Variants in OR52N4 observed in about 807,000 individuals in gnomAD.
The protein encoded by OR52N4 is olfactory receptor 52N4.
Under a neutral mutation model 15.0 loss-of-function variants are expected in OR52N4, and 15 were observed. The observed-to-expected ratio is 1.00, with a 90% CI of 0.67 to 1.54. The LOEUF is 1.54. OR52N4 is among the 40% of genes most tolerant of loss of function. The pLI, the probability that OR52N4 is intolerant of heterozygous loss-of-function variation, is 0.00. For missense variants in OR52N4, 421 were observed against 394.0 expected (o/e 1.07, Z -0.58); for synonymous variants, 143 against 143.7 (o/e 1.00, Z 0.03).
Position 5,755,300 on chromosome 11 carries a change from C to G in OR52N4, c.560C>G (p.Ala187Gly), listed in dbSNP as rs762432200. The stretch of plus-strand genomic sequence containing the variant: ...ACCTACTGTGACCACATGTCTGTAG[C>G]CAAATTGTCCTGTGGTAATGTCAAG... ...PHTYCDHMSV[A>G]KLSCGNVKVN... is the part of the protein sequence containing the mutation. The change falls in exon 2 of 2, where the codon GCC becomes GGC. Residue 187 changes from alanine (A) to glycine (G), a missense_variant. Transcript: ENST00000641350. The G allele has an allele frequency of 6.2e-7, 1 of 1,614,032 alleles. No homozygotes were observed. The highest frequency in any genetic ancestry group is 8.5e-7 in the Non-Finnish European group (1 of 1,179,960).
intron 1 of OR52N4, 111 bp downstream of exon 1, chr11:5,754,416 A>T (rs995277314): frequency 8.2e-6 from 2 of 242,706 alleles, no homozygotes. Flanking sequence ...ATTATACTTG[A>T]TTATAAATCT....
chr11:5,745,537 A>G, the OR52N4 span, among the ~76,000 whole-genome samples: 7 of 152,164 alleles, frequency 4.6e-5, no homozygotes, highest in Non-Finnish European at 1.0e-4. Flanking sequence ...CACTGATGAA[A>G]GTAATTTTAG....
At chr11:5,733,779 TA>T in the OR52N4 span, among the ~76,000 whole-genome samples, 1 of 152,146 alleles carries the variant, frequency 6.6e-6, no homozygotes, top group Non-Finnish European at 1.5e-5. Flanking sequence ...TAAAAATGTT[TA>T]AATAAATCTC....
the OR52N4 span, chr11:5,734,160 A>T: frequency 2.2e-6 from 1 of 456,356 alleles, no homozygotes; most frequent in Middle Eastern, 3.3e-4. Context: ...CTTTCTCATA[A>T]AGTTCTGTCT....
the OR52N4 span, among the ~76,000 whole-genome samples, chr11:5,728,257 C>A: frequency 1.3e-5 from 2 of 152,138 alleles, no homozygotes; most frequent in Non-Finnish European, 2.9e-5. Flanking sequence ...ATCTCCTGAA[C>A]CTATAAGAAA....
At chr11:5,732,262 C>T in the OR52N4 span, among the ~76,000 whole-genome samples, 4 of 152,126 alleles carry the variant, frequency 2.6e-5, no homozygotes, top group Non-Finnish European at 4.4e-5. Flanking sequence ...TACTCTAAAC[C>T]CCAACTTCCA....
chr11:5,741,477 C>T, the OR52N4 span, among the ~76,000 whole-genome samples: 2 of 152,130 alleles, frequency 1.3e-5, no homozygotes, highest in South Asian at 2.1e-4. Context: ...TTGCATTGCA[C>T]TTGGGCAATG....
the OR52N4 span, among the ~76,000 whole-genome samples, chr11:5,747,615 G>C: frequency 6.6e-6 from 1 of 151,664 alleles, no homozygotes; most frequent in African/African-American, 2.4e-5. Context: ...ACAAAAAATC[G>C]GTAAACCTAA....
upstream of OR52N4, among the ~76,000 whole-genome samples, chr11:5,749,930 A>T (rs1336075645): frequency 3.9e-5 from 6 of 152,046 alleles, no homozygotes; most frequent in Non-Finnish European, 5.9e-5. Context: ...AACTATTTTA[A>T]ATGTTTTAGG....
Position 5,754,936 on chromosome 11 carries a change from G to A in OR52N4, c.196G>A (p.Ala66Thr). Residue 66 changes from alanine to threonine, a missense_variant, in exon 2 of 2, where the codon GCC (alanine) becomes ACC (threonine). Physicochemically the swap from Ala to Thr is moderately conservative, Grantham distance 58. Coordinates refer to ENST00000641350, the MANE Select transcript of OR52N4 (RefSeq NM_001005175.5). Reference protein sequence around the residue: ...ALHKPMYYFLAMLSFTDLVMC... With the variant: ...ALHKPMYYFLTMLSFTDLVMC... ...GCACAAACCCATGTACTACTTCTTG[G>A]CCATGCTTTCCTTTACTGACCTTGT... 5 of 1,613,706 alleles carry A rather than the reference G, an allele frequency of 3.1e-6. No individual in the cohort carries two copies. Among genetic ancestry groups the A allele is most frequent in the Non-Finnish European group, 4.2e-6 (5 of 1,179,796 alleles).
the OR52N4 span, among the ~76,000 whole-genome samples, chr11:5,733,640 C>G: frequency 6.6e-6 from 1 of 152,118 alleles, no homozygotes; most frequent in African/African-American, 2.4e-5. Context: ...TCTCTCCCCC[C>G]ACCTCAACTA....
At chr11:5,750,366 C>T (rs1854164734), upstream of OR52N4, among the ~76,000 whole-genome samples, 1 of 151,916 alleles carries the variant, frequency 6.6e-6, no homozygotes, top group East Asian at 1.9e-4. Flanking sequence ...TTAAAAATAG[C>T]ATTTTCCATT....
chr11:5,729,743 C>T, the OR52N4 span, among the ~76,000 whole-genome samples: 8 of 152,226 alleles, frequency 5.3e-5, no homozygotes, highest in South Asian at 2.1e-4. Context: ...TATACACCTC[C>T]GGCCACTCAT....
upstream of OR52N4, among the ~76,000 whole-genome samples, chr11:5,750,325 T>C (rs980113490): frequency 3.9e-5 from 6 of 151,992 alleles, no homozygotes; most frequent in African/African-American, 1.2e-4. Context: ...ACCCAGGTAA[T>C]TGTTCTTTCC....
At chr11:5,754,456 ATAAT>A (rs1489030071) in intron 1 of OR52N4, among the ~76,000 whole-genome samples, 151 bp downstream of exon 1, 2 of 152,154 alleles carry the variant, frequency 1.3e-5, no homozygotes, top group Admixed American at 6.5e-5. Context: ...TTTTTATAAA[ATAAT>A]TGATGTTTGA....
upstream of OR52N4, among the ~76,000 whole-genome samples, chr11:5,753,831 A>T (rs1042723938): frequency 1.3e-5 from 2 of 151,948 alleles, no homozygotes; most frequent in African/African-American, 4.8e-5. Context: ...CATCTCTGCT[A>T]AAAATACAAA....
the OR52N4 span, among the ~76,000 whole-genome samples, chr11:5,747,617 T>G: frequency 6.6e-6 from 1 of 151,964 alleles, no homozygotes; most frequent in Admixed American, 6.6e-5. Flanking sequence ...AAAAAATCGG[T>G]AAACCTAATA....
upstream of OR52N4, among the ~76,000 whole-genome samples, chr11:5,752,996 C>T (rs750969144): frequency 6.6e-5 from 10 of 152,174 alleles, no homozygotes; most frequent in Middle Eastern, 3.4e-3. Flanking sequence ...CTTATTGTTA[C>T]GTGGTATTTC....
chr11:5,736,888 A>C, the OR52N4 span: 1,510,560 of 1,613,896 alleles, frequency 0.94, 709,499 homozygotes, highest in Non-Finnish European at 0.96. Context: ...CTGGTATCCT[A>C]CTCTGCATGG....
Sources: allele counts gnomAD v4.1 joint callset (sites outside exome capture counted in the v4.1 genomes callset), GRCh38; gene constraint gnomAD v4.1.1; transcripts MANE v1.5; gene names NCBI Gene and HGNC (gene_info 2026-07-23, HGNC 2026-07-21).